Variants in MKLN1 observed in about 807,000 individuals in gnomAD.
MKLN1 encodes the protein muskelin.
MKLN1 carries 18 observed loss-of-function variants against 99.0 expected under a neutral mutation model. The observed-to-expected ratio is 0.18, with a 90% CI of 0.13 to 0.27. The LOEUF is 0.27. Among genes scored for constraint, MKLN1 ranks in the 10% least tolerant of loss-of-function variants. The probability of loss-of-function intolerance (pLI) is 1.00; values close to 1 mark genes in which losing one functional copy is unlikely to be tolerated. For missense variants in MKLN1, 621 were observed against 875.9 expected, an observed-to-expected ratio of 0.71 and a Z score of 3.67; for synonymous variants, 288 against 293.2, an observed-to-expected ratio of 0.98 and a Z score of 0.18.
chr7:131,278,905 G>T (rs1380243691), intron 3 of MKLN1, among the ~76,000 whole-genome samples: 1 of 152,166 alleles, frequency 6.6e-6, no homozygotes, highest in Non-Finnish European at 1.5e-5. Flanking sequence ...GGCCTATGAG[G>T]TATGTTTTTG....
intron 14 of MKLN1, among the ~76,000 whole-genome samples, chr7:131,466,056 T>TAA (rs1266994296): frequency 6.6e-6 from 1 of 152,236 alleles, no homozygotes; most frequent in Non-Finnish European, 1.5e-5. Context: ...TATGGTAATA[T>TAA]AACTCACTTT....
At chr7:131,251,547 T>C (rs1797578832) in intron 3 of MKLN1, among the ~76,000 whole-genome samples, 1 of 152,166 alleles carries the variant, frequency 6.6e-6, no homozygotes, top group South Asian at 2.1e-4. Context: ...GCGGTACTTA[T>C]TAAGATCAGT....
At chr7:131,437,094 T>C (rs751913416) in intron 9 of MKLN1, among the ~76,000 whole-genome samples, 9 of 152,082 alleles carry the variant, frequency 5.9e-5, no homozygotes, top group African/African-American at 1.4e-4. Flanking sequence ...TTTATTATAC[T>C]CTTAAGTTCT....
intron 3 of MKLN1, among the ~76,000 whole-genome samples, chr7:131,248,878 T>C (rs1240735848): frequency 3.3e-5 from 5 of 152,206 alleles, no homozygotes; most frequent in Non-Finnish European, 7.3e-5. Context: ...TCTATTATAT[T>C]CTCTGGGAAC....
chr7:131,159,708 A>G (rs945102324), intron 2 of MKLN1, among the ~76,000 whole-genome samples: 1 of 152,210 alleles, frequency 6.6e-6, no homozygotes, highest in African/African-American at 2.4e-5. Flanking sequence ...CAAAATAGCT[A>G]TCAGGTTTCA....
chr7:131,338,474 A>T (rs560646673), intron 1 of MKLN1, among the ~76,000 whole-genome samples: 2 of 152,378 alleles, frequency 1.3e-5, no homozygotes, highest in South Asian at 4.1e-4. Flanking sequence ...GATACCCTTC[A>T]GTGAGTTTCT....
At chr7:131,260,828 C>A (rs1797722205) in intron 3 of MKLN1, among the ~76,000 whole-genome samples, 1 of 152,056 alleles carries the variant, frequency 6.6e-6, no homozygotes, top group South Asian at 2.1e-4. Context: ...GAATAGATAG[C>A]CTAGAAAGCT....
intron 8 of MKLN1, among the ~76,000 whole-genome samples, chr7:131,424,408 A>G (rs1483032548): frequency 2.0e-5 from 3 of 152,154 alleles, no homozygotes; most frequent in African/African-American, 7.2e-5. Context: ...TTTAATTACA[A>G]AAGTAGTGTG....
chr7:131,423,995 G>C (rs975964725), intron 8 of MKLN1, among the ~76,000 whole-genome samples: 3 of 152,172 alleles, frequency 2.0e-5, no homozygotes, highest in African/African-American at 7.2e-5. Context: ...TTGATGATCT[G>C]CTGGGTCATG....
chr7:131,343,379 T>G (rs143691263), intron 1 of MKLN1, among the ~76,000 whole-genome samples: 1 of 152,294 alleles, frequency 6.6e-6, no homozygotes, highest in African/African-American at 2.4e-5. Context: ...TGAAGTGGTG[T>G]TCTTATCCTT....
intron 2 of MKLN1, among the ~76,000 whole-genome samples, chr7:131,181,178 C>T (rs1410941901): frequency 6.6e-6 from 1 of 152,212 alleles, no homozygotes; most frequent in Non-Finnish European, 1.5e-5. Flanking sequence ...GTTAAATCCA[C>T]TACTTCCTCC....
At chr7:131,440,888 A>G (rs567443234) in intron 10 of MKLN1, among the ~76,000 whole-genome samples, 60 of 152,316 alleles carry the variant, frequency 3.9e-4, no homozygotes, top group African/African-American at 1.3e-3. Context: ...TAAGACATAT[A>G]TTAATAACAC....
rs373258991 is a variant in MKLN1 at position 131,356,663 on chromosome 7, G to A, written c.99-18761G>A. On this transcript the variant is annotated intron_variant, in intron 1 of 17. Coordinates refer to ENST00000352689, the MANE Select transcript of MKLN1 (RefSeq NM_013255.5). ...TCGCCTCTGTCGTGTCCCACTGATG[G>A]GCAGTCTAGAGGTCCCCTGTAGAAG... Among the ~76,000 whole-genome samples the A allele has an allele frequency of 6.0e-4, 92 of 152,238 alleles. 1 individual carries two copies. Among genetic ancestry groups the A allele is most frequent in the Admixed American group, 2.2e-3 (33 of 15,272 alleles).
intron 3 of MKLN1, among the ~76,000 whole-genome samples, chr7:131,319,049 T>G (rs1287834913): frequency 1.3e-5 from 2 of 152,164 alleles, no homozygotes; most frequent in Non-Finnish European, 2.9e-5. Flanking sequence ...CTTCTGAAAC[T>G]ATTCCAAACA....
At chr7:131,419,659 C>T (rs1795132854) in intron 8 of MKLN1, among the ~76,000 whole-genome samples, 1 of 152,138 alleles carries the variant, frequency 6.6e-6, no homozygotes, top group Non-Finnish European at 1.5e-5. Flanking sequence ...CATTATTGAA[C>T]TGATATTATT....
intron 12 of MKLN1, among the ~76,000 whole-genome samples, chr7:131,446,812 C>G (rs2116525790): frequency 6.6e-6 from 1 of 152,256 alleles, no homozygotes; most frequent in South Asian, 2.1e-4. Flanking sequence ...TCGCATATGC[C>G]TGTAATTCCA....
intron 12 of MKLN1, 39 bp from the exon 13 acceptor site, chr7:131,463,178 T>TA: frequency 1.4e-6 from 2 of 1,481,342 alleles, no homozygotes; most frequent in Non-Finnish European, 1.9e-6. Context: ...ATCTATCTAA[T>TA]GTGAATATTT....
At chr7:131,165,426 C>T (rs1279034230) in intron 2 of MKLN1, among the ~76,000 whole-genome samples, 1 of 152,180 alleles carries the variant, frequency 6.6e-6, no homozygotes. Context: ...ACCTTGTGAT[C>T]TGCCCGCCTC....
rs564791145 is a variant in MKLN1 at position 131,367,604 on chromosome 7, AC to A, written c.99-7816del. The stretch of plus-strand genomic sequence containing the variant: ...CCTCTAGTGCATGGTCTCTCAAGAT[AC>A]CCCTCCTTCTGTTCTACATCTGCTT... On this transcript the variant is annotated intron_variant, in intron 1 of 17. Coordinates refer to ENST00000352689, the MANE Select transcript of MKLN1 (RefSeq NM_013255.5). 1.7e-4 allele frequency among the ~76,000 whole-genome samples: 26 copies of A among 151,914 alleles called. No individual in the cohort carries two copies. The East Asian group carries it at 3.1e-3, about 18-fold the overall frequency.
Sources: allele counts gnomAD v4.1 joint callset (sites outside exome capture counted in the v4.1 genomes callset), GRCh38; gene constraint gnomAD v4.1.1; transcripts MANE v1.5; gene names NCBI Gene and HGNC (gene_info 2026-07-23, HGNC 2026-07-21).